CLMP: variants seen among roughly 807,000 people sequenced by gnomAD.
CLMP encodes CXADR-like membrane protein.
In CLMP, 27 loss-of-function variants were observed where a neutral mutation model predicts 45.2. The ratio of observed to expected loss-of-function variants is 0.60; its 90% CI spans 0.44 to 0.82. The LOEUF (loss-of-function observed/expected upper bound fraction) is 0.82, where lower values mean the gene tolerates loss of function less well. Among genes scored for constraint, CLMP ranks in the 40% least tolerant of loss-of-function variants. CLMP has a pLI of 0.00. For missense variants in CLMP, 403 were observed against 448.4 expected (o/e 0.90, Z 0.91); for synonymous variants, 167 against 171.4 (o/e 0.97, Z 0.20).
intron 1 of CLMP, among the ~76,000 whole-genome samples, chr11:123,104,874 C>G (rs534574014): frequency 6.6e-6 from 1 of 152,306 alleles, no homozygotes; most frequent in East Asian, 1.9e-4. Flanking sequence ...GGAGATTGCA[C>G]CCCAGAGAAT....
intron 1 of CLMP, among the ~76,000 whole-genome samples, chr11:123,142,623 T>TTTC (rs1461562094): frequency 2.5e-5 from 3 of 121,540 alleles, no homozygotes; most frequent in South Asian, 2.8e-4. Flanking sequence ...TGAGGTTTCT[T>TTTC]TTTTTTTTTT....
At chr11:123,118,733 G>C (rs1860750842) in intron 1 of CLMP, among the ~76,000 whole-genome samples, 1 of 152,068 alleles carries the variant, frequency 6.6e-6, no homozygotes, top group Non-Finnish European at 1.5e-5. Context: ...AGCAAGGGAG[G>C]ATTTGTAATG....
At chr11:123,138,419 T>A (rs539299187) in intron 1 of CLMP, among the ~76,000 whole-genome samples, 626 of 152,310 alleles carry the variant, frequency 4.1e-3, no homozygotes, top group Non-Finnish European at 7.0e-3. Context: ...TATGAAACTT[T>A]ATCTTACATT....
intron 1 of CLMP, among the ~76,000 whole-genome samples, chr11:123,109,649 C>T (rs890184025): frequency 2.0e-5 from 3 of 152,086 alleles, no homozygotes; most frequent in Admixed American, 6.6e-5. Context: ...TGACCCAAAG[C>T]AAGAAGAAAT....
chr11:123,106,422 TGTGC>T (rs757809520), intron 1 of CLMP, among the ~76,000 whole-genome samples: 5,502 of 85,764 alleles, frequency 0.064, 126 homozygotes, highest in Non-Finnish European at 0.089. Context: ...TGTGTGTGTG[TGTGC>T]GCGCGCGCGC....
intron 1 of CLMP, among the ~76,000 whole-genome samples, chr11:123,162,757 C>T (rs111639123): frequency 9.7e-4 from 147 of 151,832 alleles, no homozygotes; most frequent in Middle Eastern, 3.4e-3. Context: ...AAAAAAGCAG[C>T]CAGGCATGGT....
chr11:123,117,317 T>G (rs116536290), intron 1 of CLMP, among the ~76,000 whole-genome samples: 1 of 152,068 alleles, frequency 6.6e-6, no homozygotes, highest in Non-Finnish European at 1.5e-5. Context: ...ACCTGAGACT[T>G]AGAAAGGCCT....
chr11:123,150,954 T>C (rs1861329360), intron 1 of CLMP, among the ~76,000 whole-genome samples: 1 of 152,084 alleles, frequency 6.6e-6, no homozygotes, highest in Non-Finnish European at 1.5e-5. Flanking sequence ...CTGCCCACCT[T>C]GGCCTCCCAA....
chr11:123,183,277 C>A (rs1460161250), intron 1 of CLMP, among the ~76,000 whole-genome samples: 1 of 152,138 alleles, frequency 6.6e-6, no homozygotes, highest in Non-Finnish European at 1.5e-5. Context: ...GTTGCCCAGG[C>A]TAGAGTGCAG....
At chr11:123,111,926 TA>T (rs150174635) in intron 1 of CLMP, among the ~76,000 whole-genome samples, 13,505 of 152,150 alleles carry the variant, frequency 0.089, 960 homozygotes, top group African/African-American at 0.2. Flanking sequence ...AAGACTTATT[TA>T]TTTTTTTAGA....
At chr11:123,086,427 T>C (rs531147114) in intron 2 of CLMP, among the ~76,000 whole-genome samples, 1 of 152,300 alleles carries the variant, frequency 6.6e-6, no homozygotes, top group Admixed American at 6.5e-5. Context: ...CATGCAAGCA[T>C]ATGGGCATCT....
chr11:123,138,036 GC>G (rs1342739184), intron 1 of CLMP, among the ~76,000 whole-genome samples: 1 of 151,156 alleles, frequency 6.6e-6, no homozygotes, highest in African/African-American at 2.4e-5. Context: ...AACCCTCAGG[GC>G]CCGGGGCTGC....
At chr11:123,094,930 CAGGCTCTTTGTAAA>C (rs1865972466) in intron 2 of CLMP, among the ~76,000 whole-genome samples, 1 of 152,212 alleles carries the variant, frequency 6.6e-6, no homozygotes. Flanking sequence ...GCCACTGTGC[CAGGCTCTTTGTAAA>C]AAATTATTAA....
At chr11:123,140,783 A>G (rs943007317) in intron 1 of CLMP, among the ~76,000 whole-genome samples, 1 of 152,036 alleles carries the variant, frequency 6.6e-6, no homozygotes, top group Non-Finnish European at 1.5e-5. Flanking sequence ...GCACCTATCC[A>G]TACCCCCGAT....
At chr11:123,112,494 C>T (rs1357004915) in intron 1 of CLMP, among the ~76,000 whole-genome samples, 4 of 151,766 alleles carry the variant, frequency 2.6e-5, no homozygotes, top group Non-Finnish European at 5.9e-5. Flanking sequence ...CCCGCTACCA[C>T]GCTTGGCTAA....
In CLMP at chr11:123,073,491, C is replaced by T. The variant is rs1314749545; in HGVS notation, c.1105G>A (p.Ala369Thr). ...ATTGTAATTCAGACCGTTTGGAAGGCTCTGCTCTGGCTGGGGATCATGCTG... is the reference window on the plus strand; with the variant it reads ...ATTGTAATTCAGACCGTTTGGAAGGTTCTGCTCTGGCTGGGGATCATGCTG... ...TPSMIPSQSR[A>T]FQTV is the part of the protein sequence containing the mutation. The change falls in exon 7 of 7, where the codon GCC becomes ACC. Residue 369 changes from alanine to threonine, a missense_variant. Physicochemically the swap from Ala to Thr is moderately conservative, Grantham distance 58 (BLOSUM62 0). Coordinates refer to ENST00000448775, the MANE Select transcript of CLMP (RefSeq NM_024769.5). 1 of 1,613,188 alleles carries T rather than the reference C, an allele frequency of 6.2e-7. No individual in the cohort carries two copies. The highest frequency in any genetic ancestry group is 1.3e-5 in the African/African-American group (1 of 75,040).
rs367684169 is a variant in CLMP at position 123,079,370 on chromosome 11, A to G, written c.679+3715T>C. On this transcript the variant is annotated intron_variant, in intron 5 of 6. Coordinates refer to ENST00000448775, the MANE Select transcript of CLMP (RefSeq NM_024769.5). ...TTTTTTCTCAACCTAGTGGGGAAAAAAGGATTTTTGGGGGCCTCTTTATTC... is the reference window on the plus strand; with the variant it reads ...TTTTTTCTCAACCTAGTGGGGAAAAGAGGATTTTTGGGGGCCTCTTTATTC... 1.2e-4 allele frequency among the ~76,000 whole-genome samples: 18 copies of G among 152,258 alleles called. No individual in the cohort carries two copies. The East Asian group carries it at 2.9e-3, about 25-fold the overall frequency.
chr11:123,166,005 A>C (rs941588118), intron 1 of CLMP, among the ~76,000 whole-genome samples: 2 of 152,216 alleles, frequency 1.3e-5, no homozygotes, highest in African/African-American at 4.8e-5. Flanking sequence ...TTCAAGAGAA[A>C]ATTTTAAAAT....
chr11:123,187,760 A>G (rs1488941604), intron 1 of CLMP, among the ~76,000 whole-genome samples: 1 of 152,206 alleles, frequency 6.6e-6, no homozygotes, highest in Non-Finnish European at 1.5e-5. Flanking sequence ...GTGATGAAGA[A>G]TGAGACCATA....
Sources: gnomAD v4.1 joint callset for allele counts (sites outside exome capture counted in the v4.1 genomes callset) on GRCh38, gnomAD v4.1.1 for gene constraint, MANE v1.5 for transcripts, NCBI Gene and HGNC (gene_info 2026-07-23, HGNC 2026-07-21) for gene names.